The following KANSL1 variants were observed in gnomAD, a reference collection of about 807,000 sequenced individuals.
KANSL1 encodes the protein KAT8 regulatory NSL complex subunit 1, also known as MLL1/MLL complex subunit KANSL1.
In KANSL1, 22 loss-of-function variants were observed where a neutral mutation model predicts 103.6. That is an observed-to-expected ratio of 0.21 (90% confidence interval 0.15 to 0.30). The LOEUF (loss-of-function observed/expected upper bound fraction) is 0.30. Ranked by LOEUF, KANSL1 falls within the 10% of genes least tolerant of loss-of-function variation. The pLI is 1.00. For missense variants in KANSL1, 1,337 were observed against 1,399.8 expected, an observed-to-expected ratio of 0.96 and a Z score of 0.72; for synonymous variants, 600 against 527.6, an observed-to-expected ratio of 1.14 and a Z score of -1.88.
chr17:46,073,533 A>C (rs1348319580), intron 4 of KANSL1, among the ~76,000 whole-genome samples: 2 of 152,204 alleles, frequency 1.3e-5, no homozygotes, highest in Non-Finnish European at 2.9e-5. Context: ...AAACGTACTG[A>C]AATTGCTAAC....
At chr17:46,113,562 C>T (rs1207359631) in intron 2 of KANSL1, among the ~76,000 whole-genome samples, 4 of 151,954 alleles carry the variant, frequency 2.6e-5, no homozygotes, top group African/African-American at 4.8e-5. Flanking sequence ...GTTTATCGCA[C>T]GGTAGATCAT....
chr17:46,134,166 G>A (rs1234222633), intron 2 of KANSL1, among the ~76,000 whole-genome samples: 1 of 152,166 alleles, frequency 6.6e-6, no homozygotes, highest in Non-Finnish European at 1.5e-5. Flanking sequence ...GGGAGGCTGA[G>A]GCAGGCGGAT....
intron 2 of KANSL1, among the ~76,000 whole-genome samples, chr17:46,142,620 A>G (rs2147381574): frequency 6.6e-6 from 1 of 152,352 alleles, no homozygotes; most frequent in South Asian, 2.1e-4. Flanking sequence ...TATCAAAACA[A>G]AACAAAACAA....
chr17:46,047,819 C>CAA lies in KANSL1; in HGVS notation c.2020+2712_2020+2713dup, dbSNP rs556959980. On this transcript the variant is annotated intron_variant, in intron 7 of 14. Transcript: ENST00000432791. ...ATAAAAATTAAAAAAAAAAAAAAAA[C>CAA]AAAAAAAAAACTTACAGACTACCTG... Among the ~76,000 whole-genome samples the CAA allele has an allele frequency of 1.8e-4, 25 of 136,784 alleles. No individual in the cohort carries two copies. In the South Asian group the frequency reaches 2.0e-3, roughly 11 times the overall value. 89.7% of individuals were successfully genotyped at this position (136,784 alleles called of 152,430 possible).
chr17:46,069,226 C>A (rs902632244), intron 4 of KANSL1, among the ~76,000 whole-genome samples: 1 of 152,150 alleles, frequency 6.6e-6, no homozygotes, highest in African/African-American at 2.4e-5. Flanking sequence ...CCACACCTAA[C>A]CTGTCTCCTT....
chr17:46,168,271 CT>C lies in KANSL1; in HGVS notation c.1289+2583del, dbSNP rs1279729854. The stretch of plus-strand genomic sequence containing the variant: ...AACACTTGGCTAAATAAATACCAGC[CT>C]TAAGAGTCAACCCGGTGATCTTGCT... On this transcript the variant is annotated intron_variant, in intron 2 of 14. Transcript: ENST00000432791. 9.8e-5 allele frequency among the ~76,000 whole-genome samples: 15 copies of C among 152,342 alleles called. No homozygotes were observed. The East Asian group carries it at 2.9e-3, about 29-fold the overall frequency.
At chr17:46,160,308 CT>C (rs1403016699) in intron 2 of KANSL1, among the ~76,000 whole-genome samples, 1 of 152,180 alleles carries the variant, frequency 6.6e-6, no homozygotes. Context: ...ACCCATCCAA[CT>C]TTTTTTAAGA....
chr17:46,193,159 G>A lies in KANSL1; in HGVS notation c.-426C>T, dbSNP rs1335893997. 6.6e-6 allele frequency: 1 copy of A among 152,354 alleles called. No individual in the cohort carries two copies. Among genetic ancestry groups the A allele is most frequent in the African/African-American group, 2.4e-5 (1 of 41,334 alleles). 9.4% of individuals were successfully genotyped at this position (152,354 alleles called of 1,614,324 possible). A position where few individuals can be genotyped will look rare whatever the true frequency, so the allele number is the denominator to read the frequency against. On this transcript the variant is annotated 5_prime_UTR_variant, in exon 1 of 15. Transcript: ENST00000432791. ...GGGAGGGCGGGCGGGCGGGGGCAGA[G>A]AGTGAAACCGCCCCCCCGCCCCGCA...
In KANSL1 at chr17:46,171,336, G is replaced by A. The variant is rs768584529; in HGVS notation, c.808C>T (p.Leu270=). The A allele has an allele frequency of 1.2e-6, 2 of 1,614,094 alleles. No individual in the cohort carries two copies. Among genetic ancestry groups the A allele is most frequent in the East Asian group, 4.5e-5 (2 of 44,884 alleles). ...AAAGCACTGAAAAGAATGGAAGACA[G>A]GGGAGACTTTTTACCCTCCAATTTG... ...GVKLEGKKSP[L]SSILFSALDS... The change falls in exon 2 of 15, where the codon CTG becomes TTG. Residue 270 remains leucine (L), a synonymous_variant. Transcript: ENST00000432791.
At chr17:46,151,543 C>A (rs896178780) in intron 2 of KANSL1, among the ~76,000 whole-genome samples, 1 of 152,198 alleles carries the variant, frequency 6.6e-6, no homozygotes, top group African/African-American at 2.4e-5. Context: ...AACTAGCCTT[C>A]GGTCATTATT....
chr17:46,129,753 T>C (rs189795560), intron 2 of KANSL1, among the ~76,000 whole-genome samples: 4 of 152,290 alleles, frequency 2.6e-5, no homozygotes, highest in African/African-American at 9.6e-5. Flanking sequence ...TTGAATAAGA[T>C]TCAGATTGGA....
chr17:46,158,460 TCA>T (rs1256377177), intron 2 of KANSL1, among the ~76,000 whole-genome samples: 1 of 152,048 alleles, frequency 6.6e-6, no homozygotes, highest in Non-Finnish European at 1.5e-5. Context: ...CCTCCCAGGT[TCA>T]AGTGATTCTT....
intron 2 of KANSL1, among the ~76,000 whole-genome samples, chr17:46,161,062 T>A (rs1380562101): frequency 6.6e-6 from 1 of 152,156 alleles, no homozygotes; most frequent in Non-Finnish European, 1.5e-5. Context: ...AAATGTGGGC[T>A]ATTATTTCTC....
At chr17:46,044,422 C>A (rs1479236193) in intron 7 of KANSL1, 1 of 152,166 alleles carries the variant, frequency 6.6e-6, no homozygotes, top group South Asian at 2.1e-4. Context: ...GCACTTTTTC[C>A]GGGTGTTTTG....
intron 2 of KANSL1, among the ~76,000 whole-genome samples, chr17:46,163,385 C>G (rs972168484): frequency 4.6e-5 from 7 of 152,212 alleles, no homozygotes; most frequent in Non-Finnish European, 1.0e-4. Flanking sequence ...TTTTCAGACA[C>G]AGGGTCTCAC....
At chr17:46,194,243 C>T (rs2047527591), upstream of KANSL1, among the ~76,000 whole-genome samples, 1 of 152,256 alleles carries the variant, frequency 6.6e-6, no homozygotes, top group African/African-American at 2.4e-5. Context: ...GCAGATCCGC[C>T]AAAACAGGCA....
intron 2 of KANSL1, among the ~76,000 whole-genome samples, chr17:46,169,993 T>C (rs536605035): frequency 3.9e-5 from 6 of 152,248 alleles, no homozygotes; most frequent in African/African-American, 1.4e-4. Flanking sequence ...AGAAAAAAAT[T>C]AGCCTGACTT....
intron 2 of KANSL1, among the ~76,000 whole-genome samples, chr17:46,138,430 T>C (rs544201689): frequency 2.0e-5 from 3 of 152,340 alleles, no homozygotes; most frequent in South Asian, 4.1e-4. Context: ...TTATAAGTAA[T>C]CTAGAGATGA....
intron 6 of KANSL1, among the ~76,000 whole-genome samples, chr17:46,054,218 A>G (rs2077833682): frequency 6.6e-6 from 1 of 152,120 alleles, no homozygotes; most frequent in East Asian, 1.9e-4. Flanking sequence ...ACGCCCAGCT[A>G]ATCTTTTATA....
Sources: gnomAD v4.1 joint callset for allele counts (sites outside exome capture counted in the v4.1 genomes callset) on GRCh38, gnomAD v4.1.1 for gene constraint, MANE v1.5 for transcripts, NCBI Gene and HGNC (gene_info 2026-07-23, HGNC 2026-07-21) for gene names.